Variants in FRYL observed in about 807,000 individuals in gnomAD.
FRYL encodes FRY like transcription coactivator.
In FRYL, 150 loss-of-function variants were observed where a neutral mutation model predicts 351.2. The ratio of observed to expected loss-of-function variants is 0.43; its 90% CI spans 0.37 to 0.49. FRYL has a LOEUF of 0.49. FRYL is among the 20% of genes least tolerant of loss of function. The probability of loss-of-function intolerance (pLI) is 0.00; values close to 1 mark genes in which losing one functional copy is unlikely to be tolerated. For synonymous variants in FRYL, 1,153 were observed against 1,257.1 expected, an observed-to-expected ratio of 0.92 and a Z score of 1.75; for missense variants, 3,036 against 3,619.3, an observed-to-expected ratio of 0.84 and a Z score of 4.13.
chr4:48,687,884 A>G (rs1304204895), intron 2 of FRYL, among the ~76,000 whole-genome samples: 1 of 152,146 alleles, frequency 6.6e-6, no homozygotes, highest in Non-Finnish European at 1.5e-5. Context: ...AAACGACTTA[A>G]TTAGTATGTA....
intron 32 of FRYL, 39 bp downstream of exon 32, chr4:48,562,850 C>A: frequency 8.7e-7 from 1 of 1,149,972 alleles, no homozygotes; most frequent in South Asian, 1.3e-5. Flanking sequence ...TTCATTAAAT[C>A]CTGAGTAAAA....
chr4:48,641,950 T>A (rs1285715873), intron 3 of FRYL, among the ~76,000 whole-genome samples: 1 of 152,202 alleles, frequency 6.6e-6, no homozygotes, highest in Non-Finnish European at 1.5e-5. Flanking sequence ...AAATTTGTCA[T>A]CCAATTGTAA....
intron 12 of FRYL, among the ~76,000 whole-genome samples, chr4:48,602,403 A>G (rs1745894696): frequency 6.6e-6 from 1 of 152,148 alleles, no homozygotes; most frequent in African/African-American, 2.4e-5. Flanking sequence ...TGTGGTTATG[A>G]CTAGTCCCTG....
chr4:48,678,909 G>A (rs903734062), intron 3 of FRYL, among the ~76,000 whole-genome samples: 2 of 151,960 alleles, frequency 1.3e-5, no homozygotes, highest in Non-Finnish European at 2.9e-5. Context: ...ATTATAAATT[G>A]TAACATGTGT....
Position 48,540,957 on chromosome 4 carries a change from G to T in FRYL, c.5691C>A (p.Thr1897=). 1 of 1,545,752 alleles carries T rather than the reference G, an allele frequency of 6.5e-7. No individual in the cohort carries two copies. The highest frequency in any genetic ancestry group is 1.2e-5 in the South Asian group (1 of 81,158). The change falls in exon 46 of 64, where the codon ACC becomes ACA. Residue 1897 remains threonine (T), a synonymous_variant. Coordinates refer to ENST00000358350, the MANE Select transcript of FRYL (RefSeq NM_015030.2). ...HYDLLSALSQ[T]SYHDPIMGNK... ...TTCCCATTATAGGATCATGATATGA[G>T]GTTCTTAAAAAAAAGAAAGAATAGA...
At chr4:48,725,979 T>C in intron 1 of FRYL, among the ~76,000 whole-genome samples, 1 of 152,130 alleles carries the variant, frequency 6.6e-6, no homozygotes, top group South Asian at 2.1e-4. Context: ...AACTACTATA[T>C]AGGAAAAAAA....
At chr4:48,594,350 T>C (rs1744153443) in intron 15 of FRYL, among the ~76,000 whole-genome samples, 1 of 151,508 alleles carries the variant, frequency 6.6e-6, no homozygotes, top group Non-Finnish European at 1.5e-5. Flanking sequence ...TAGACAGCAG[T>C]GAGTTCATAC....
chr4:48,585,319 A>G (rs1193948321), intron 19 of FRYL, among the ~76,000 whole-genome samples: 2 of 152,202 alleles, frequency 1.3e-5, no homozygotes, highest in Admixed American at 1.3e-4. Flanking sequence ...TTCTTTCACA[A>G]TCATCACAGG....
chr4:48,523,356 C>T, intron 53 of FRYL: 1 of 393,698 alleles, frequency 2.5e-6, no homozygotes, highest in Non-Finnish European at 4.6e-6. Context: ...TCTTGTATTA[C>T]TGGGGACCAA....
rs1776532284 is a variant in FRYL at position 48,780,244 on chromosome 4, T to A, written c.-550A>T. On this transcript the variant is annotated 5_prime_UTR_variant, in exon 1 of 64. Transcript: ENST00000358350. Reference sequence around the variant, plus strand: ...CTCCGACTCTGATTTTAACCGGATTTCTCTCTCGCTCTCTCCCAGAGCCCG... The same window carrying A: ...CTCCGACTCTGATTTTAACCGGATTACTCTCTCGCTCTCTCCCAGAGCCCG... The A allele has an allele frequency of 1.3e-5, 2 of 152,434 alleles. No homozygotes were observed. The highest frequency in any genetic ancestry group is 4.8e-5 in the African/African-American group (2 of 41,260). The allele number at this position is 152,434 out of a possible 1,614,324, so 9.4% of individuals were successfully genotyped here.
intron 50 of FRYL, among the ~76,000 whole-genome samples, chr4:48,529,496 T>C (rs1727051270): frequency 6.6e-6 from 1 of 152,196 alleles, no homozygotes; most frequent in South Asian, 2.1e-4. Context: ...TTCTCCATCA[T>C]ACTCCCATGC....
chr4:48,607,081 C>T (rs1747000751), intron 9 of FRYL, among the ~76,000 whole-genome samples: 1 of 152,136 alleles, frequency 6.6e-6, no homozygotes, highest in Admixed American at 6.6e-5. Flanking sequence ...ATCAATACAT[C>T]ATTACACTGC....
Position 48,500,076 on chromosome 4 carries a change from T to TC in FRYL, c.8736dup (p.Lys2913GlufsTer3). The TC allele has an allele frequency of 6.3e-7, 1 of 1,595,904 alleles. No homozygotes were observed. The highest frequency in any genetic ancestry group is 8.5e-7 in the Non-Finnish European group (1 of 1,174,544). ...ACAGCTGATATAAATTCTTTATTTTTCAAAGTTTCAATTAAAGAATGAATG... is the reference window on the plus strand; with the variant it reads ...ACAGCTGATATAAATTCTTTATTTTTCCAAAGTTTCAATTAAAGAATGAATG... On this transcript the variant is annotated frameshift_variant, in exon 63 of 64. Coordinates refer to ENST00000358350, the MANE Select transcript of FRYL (RefSeq NM_015030.2). LOFTEE classifies it high-confidence loss of function.
At chr4:48,671,868 A>AAAC (rs1762784651) in intron 3 of FRYL, among the ~76,000 whole-genome samples, 1 of 125,432 alleles carries the variant, frequency 8.0e-6, no homozygotes, top group Non-Finnish European at 1.7e-5. Flanking sequence ...CAAAAAAAAA[A>AAAC]AAAACAAAAA....
At chr4:48,691,988 C>T (rs1765719273) in intron 2 of FRYL, among the ~76,000 whole-genome samples, 1 of 152,020 alleles carries the variant, frequency 6.6e-6, no homozygotes, top group Non-Finnish European at 1.5e-5. Context: ...TGCTGAGCAA[C>T]TATAATTTAG....
intron 17 of FRYL, among the ~76,000 whole-genome samples, chr4:48,590,125 C>T (rs570426031): frequency 1.2e-4 from 19 of 152,188 alleles, no homozygotes; most frequent in Admixed American, 3.9e-4. Flanking sequence ...TGAATAGGAT[C>T]CTGTGATAAA....
At chr4:48,690,051 C>T (rs1228371988) in intron 2 of FRYL, among the ~76,000 whole-genome samples, 1 of 123,704 alleles carries the variant, frequency 8.1e-6, no homozygotes, top group Non-Finnish European at 1.7e-5. Flanking sequence ...TGCCCGCCAC[C>T]GTGCCCAGCT....
chr4:48,778,660 G>A (rs1391489613), intron 1 of FRYL, among the ~76,000 whole-genome samples: 1 of 152,248 alleles, frequency 6.6e-6, no homozygotes, highest in Non-Finnish European at 1.5e-5. Flanking sequence ...TAAGCAGAGT[G>A]ATAATGCTCA....
At position 48,582,607 on chromosome 4, in the gene FRYL, C is replaced by T. The variant is rs1202424313; in HGVS notation, c.1876G>A (p.Val626Met). 6.2e-7 allele frequency: 1 copy of T among 1,613,968 alleles called. No homozygotes were observed. The highest frequency in any genetic ancestry group is 8.5e-7 in the Non-Finnish European group (1 of 1,179,894). The change falls in exon 20 of 64, where the codon GTG becomes ATG. Residue 626 changes from valine to methionine, a missense_variant. Val to Met is a conservative substitution (Grantham distance 21, BLOSUM62 1). Around this residue, in one of 7 missense-constraint regions of FRYL, gnomAD observed 492 missense variants for 551.5 expected, o/e 0.89. Transcript: ENST00000358350. ...SGFVYFIVREVTDVHPTLLDN... is the reference protein window; with the variant it reads ...SGFVYFIVREMTDVHPTLLDN... ...AGAAGTGTGGGATGGACATCAGTCA[C>T]TTCACGAACAATAAAATAAACAAAT... is the stretch of plus-strand genomic sequence containing the variant.
Sources: gnomAD v4.1 joint callset for allele counts (sites outside exome capture counted in the v4.1 genomes callset) on GRCh38, gnomAD v4.1.1 for gene constraint, gnomAD v4.1.1 regional missense constraint, MANE v1.5 for transcripts, NCBI Gene and HGNC (gene_info 2026-07-23, HGNC 2026-07-21) for gene names.